MKNK1: variants seen among roughly 807,000 people sequenced by gnomAD.
MKNK1 encodes MAPK interacting serine/threonine kinase 1.
A neutral mutation model predicts 49.3 loss-of-function variants in MKNK1; 30 were observed. That is an observed-to-expected ratio of 0.61 (90% CI 0.46 to 0.83). The LOEUF (loss-of-function observed/expected upper bound fraction) is 0.83. MKNK1 is among the 40% of genes least tolerant of loss of function. The pLI, the probability that MKNK1 is intolerant of heterozygous loss-of-function variation, is 0.00. For synonymous variants in MKNK1, 176 were observed against 201.7 expected (o/e 0.87, Z 1.08); for missense variants, 423 against 524.7 (o/e 0.81, Z 1.89).
intron 2 of MKNK1, chr1:46,584,508 TC>T (rs1386694750): frequency 6.6e-6 from 1 of 151,788 alleles, no homozygotes; most frequent in Non-Finnish European, 1.5e-5. Context: ...TTTTTTTCTT[TC>T]TTTTTTTTCT....
chr1:46,561,598 A>T lies in MKNK1; in HGVS notation c.849T>A (p.Pro283=). Residue 283 remains proline, a synonymous_variant, in exon 11 of 13, where the codon CCT becomes CCA. Coordinates refer to ENST00000371945, the MANE Select transcript of MKNK1 (RefSeq NM_001135553.4). ...ESIQEGKYEF[P]DKDWAHISSE... ...TGGAGATGTGTGCCCAGTCCTTGTC[A>T]GGAAACTCATACTTGCCTTCCTGGA... The T allele has an allele frequency of 6.2e-7, 1 of 1,614,160 alleles. No individual in the cohort carries two copies. The highest frequency in any genetic ancestry group is 8.5e-7 in the Non-Finnish European group (1 of 1,180,002).
chr1:46,575,033 A>C lies in MKNK1; in HGVS notation c.279-13T>G, dbSNP rs562451819. On this transcript the variant is annotated splice_polypyrimidine_tract_variant and intron_variant, in intron 5 of 12. Coordinates refer to ENST00000371945, the MANE Select transcript of MKNK1 (RefSeq NM_001135553.4). ...CTCCAAAATGTTCCTTAAATAGGGAAAATAGGAGGAGAGGGAAAAGGGGGG... is the reference window on the plus strand; with the variant it reads ...CTCCAAAATGTTCCTTAAATAGGGACAATAGGAGGAGAGGGAAAAGGGGGG... 10 of 1,564,912 alleles carry C rather than the reference A, an allele frequency of 6.4e-6. No homozygotes were observed. In the East Asian group the frequency reaches 2.0e-4, roughly 32 times the overall value.
At chr1:46,597,348 C>T (rs1674213988) in intron 1 of MKNK1, among the ~76,000 whole-genome samples, 1 of 151,278 alleles carries the variant, frequency 6.6e-6, no homozygotes. Flanking sequence ...AGATCCATCA[C>T]ATTACTTTCA....
chr1:46,570,154 T>C (rs1359226848), intron 7 of MKNK1: 17 of 152,196 alleles, frequency 1.1e-4, no homozygotes, highest in Admixed American at 9.8e-4. Context: ...GCCAGCTACA[T>C]GTTAACAAGC....
intron 1 of MKNK1, among the ~76,000 whole-genome samples, chr1:46,603,974 C>T (rs1675070299): frequency 6.6e-6 from 1 of 152,138 alleles, no homozygotes; most frequent in South Asian, 2.1e-4. Context: ...ATCTCGGACA[C>T]CGGCCACGCC....
At chr1:46,593,821 A>T (rs1366206095) in intron 2 of MKNK1, 1 of 186,854 alleles carries the variant, frequency 5.4e-6, no homozygotes, top group Non-Finnish European at 1.1e-5. Flanking sequence ...GCACCACTGC[A>T]CTCCAGCCTG....
Position 46,568,489 on chromosome 1 carries a change from T to G in MKNK1, c.467A>C (p.His156Pro). 6.2e-7 allele frequency: 1 copy of G among 1,614,106 alleles called. No individual in the cohort carries two copies. The highest frequency in any genetic ancestry group is 8.5e-7 in the Non-Finnish European group (1 of 1,179,986). ...TATATTTTCTGGTTTCAGATCACGA[T>G]GAGCAATGCCTGACATGACAAAGAG... ...LDFLHTKGIA[H>P]RDLKPENILC... Residue 156 changes from histidine (H) to proline (P), a missense_variant, in exon 8 of 13, where the codon CAT becomes CCT. By Grantham distance (77) the His-to-Pro change is moderately conservative. Transcript: ENST00000371945.
intron 2 of MKNK1, 53 bp downstream of exon 2, chr1:46,594,060 A>G: frequency 7.2e-7 from 1 of 1,395,256 alleles, no homozygotes; most frequent in Non-Finnish European, 1.0e-6. Flanking sequence ...GTATCAGATC[A>G]TTTCAATTTG....
chr1:46,565,198 G>GGCATGGCTGTACGGGT, intron 8 of MKNK1, 62 bp from the exon 9 acceptor site: 2 of 1,473,538 alleles, frequency 1.4e-6, no homozygotes. Flanking sequence ...AGAGGAGCCA[G>GGCATGGCTGTACGGGT]GCATGGCTGT....
At chr1:46,603,855 G>A (rs1211791832) in intron 1 of MKNK1, among the ~76,000 whole-genome samples, 1 of 152,190 alleles carries the variant, frequency 6.6e-6, no homozygotes, top group Non-Finnish European at 1.5e-5. Context: ...AATTCCTCAC[G>A]TGAAAAACTA....
At chr1:46,568,224 A>G (rs1423541253) in intron 8 of MKNK1, 19 of 521,658 alleles carry the variant, frequency 3.6e-5, no homozygotes, top group Non-Finnish European at 5.5e-5. Flanking sequence ...TATTTTCCAA[A>G]CTCTCAGGCT....
chr1:46,584,291 T>C (rs1183890825), intron 2 of MKNK1, among the ~76,000 whole-genome samples: 1 of 152,148 alleles, frequency 6.6e-6, no homozygotes, highest in African/African-American at 2.4e-5. Flanking sequence ...ATGCCCCTGA[T>C]CCAGAGTGGA....
intron 1 of MKNK1, among the ~76,000 whole-genome samples, chr1:46,600,488 C>T (rs1381062677): frequency 6.6e-6 from 1 of 152,220 alleles, no homozygotes; most frequent in Non-Finnish European, 1.5e-5. Flanking sequence ...CATGAATATT[C>T]CTAAACTAAG....
chr1:46,566,524 CATATGGTA>C (rs1265640289), intron 8 of MKNK1, among the ~76,000 whole-genome samples: 12 of 152,202 alleles, frequency 7.9e-5, no homozygotes, highest in Non-Finnish European at 1.6e-4. Flanking sequence ...ATTGCTGGGT[CATATGGTA>C]ATTCTGTGTT....
intron 8 of MKNK1, 149 bp downstream of exon 8, chr1:46,568,294 C>A: frequency 1.4e-6 from 1 of 695,240 alleles, no homozygotes; most frequent in East Asian, 2.6e-5. Context: ...AGAAACATCA[C>A]ACAGTAAGTG....
intron 2 of MKNK1, among the ~76,000 whole-genome samples, chr1:46,592,060 C>T (rs750526636): frequency 6.6e-5 from 10 of 152,072 alleles, no homozygotes; most frequent in African/African-American, 2.4e-5. Flanking sequence ...GCCAACATGG[C>T]AAAACTCTGT....
chr1:46,579,582 T>C (rs561023527), intron 4 of MKNK1, among the ~76,000 whole-genome samples: 28 of 152,310 alleles, frequency 1.8e-4, no homozygotes, highest in African/African-American at 6.7e-4. Context: ...CCAGGAGAGT[T>C]TGTTAACATT....
intron 8 of MKNK1, among the ~76,000 whole-genome samples, chr1:46,567,718 C>T (rs1476256906): frequency 6.6e-6 from 1 of 152,214 alleles, no homozygotes; most frequent in Non-Finnish European, 1.5e-5. Context: ...ACACGCAGAG[C>T]TGTGAACGTG....
intron 2 of MKNK1, among the ~76,000 whole-genome samples, chr1:46,585,244 C>A (rs1177567043): frequency 1.5e-5 from 1 of 65,588 alleles, no homozygotes; most frequent in Non-Finnish European, 3.0e-5. Context: ...AGCAAGATTC[C>A]GTCTCAAAAA....
Sources: allele counts gnomAD v4.1 joint callset (sites outside exome capture counted in the v4.1 genomes callset), GRCh38; gene constraint gnomAD v4.1.1; transcripts MANE v1.5; gene names NCBI Gene and HGNC (gene_info 2026-07-23, HGNC 2026-07-21).